Variants in SLC4A4 observed in about 807,000 individuals in gnomAD.
The protein encoded by SLC4A4 is electrogenic sodium bicarbonate cotransporter 1.
Under a neutral mutation model 111.5 loss-of-function variants are expected in SLC4A4, and 27 were observed. That is an observed-to-expected ratio of 0.24 (90% CI 0.18 to 0.33). The LOEUF (loss-of-function observed/expected upper bound fraction) is 0.33, where lower values mean the gene tolerates loss of function less well. SLC4A4 is among the 10% of genes least tolerant of loss of function. The pLI is 1.00. For synonymous variants in SLC4A4, 443 were observed against 463.4 expected, an observed-to-expected ratio of 0.96 and a Z score of 0.57; for missense variants, 909 against 1,315.5, an observed-to-expected ratio of 0.69 and a Z score of 4.78.
At chr4:71,343,585 T>C (rs570741912) in intron 4 of SLC4A4, among the ~76,000 whole-genome samples, 2 of 152,330 alleles carry the variant, frequency 1.3e-5, no homozygotes, top group South Asian at 4.1e-4. Flanking sequence ...TGTCTTTCTC[T>C]ACACCCAATA....
chr4:71,515,054 G>A (rs1392998090), intron 16 of SLC4A4, among the ~76,000 whole-genome samples: 1 of 151,540 alleles, frequency 6.6e-6, no homozygotes, highest in Non-Finnish European at 1.5e-5. Context: ...ATGGTTTTCT[G>A]TTTCCTTGAT....
intron 8 of SLC4A4, among the ~76,000 whole-genome samples, chr4:71,443,114 CTCTATATATATATATATA>C (rs1297471407): frequency 8.9e-5 from 8 of 90,282 alleles, no homozygotes; most frequent in Admixed American, 2.2e-4. Flanking sequence ...CTCTCTCTCT[CTCTATATATATATATATA>C]TATATATATA....
chr4:71,317,944 A>G (rs1169291483), intron 3 of SLC4A4, among the ~76,000 whole-genome samples: 1 of 152,104 alleles, frequency 6.6e-6, no homozygotes, highest in Non-Finnish European at 1.5e-5. Context: ...TTATTAATAG[A>G]TGTTCTTATT....
chr4:71,215,797 A>G (rs1271811583), intron 1 of SLC4A4, among the ~76,000 whole-genome samples: 1 of 152,170 alleles, frequency 6.6e-6, no homozygotes, highest in Non-Finnish European at 1.5e-5. Flanking sequence ...AACAAACGAT[A>G]CATATAATTA....
chr4:71,394,139 C>T (rs1719572030), intron 6 of SLC4A4, among the ~76,000 whole-genome samples: 1 of 152,112 alleles, frequency 6.6e-6, no homozygotes, highest in Non-Finnish European at 1.5e-5. Flanking sequence ...AAAGCAAATA[C>T]AATAGAAACA....
intron 1 of SLC4A4, among the ~76,000 whole-genome samples, chr4:71,062,934 G>A (rs1178036885): frequency 1.3e-5 from 2 of 152,158 alleles, no homozygotes; most frequent in Admixed American, 1.3e-4. Context: ...ATTGTTAAAA[G>A]AAATACTAAT....
At chr4:71,485,207 G>T (rs1294691501) in intron 14 of SLC4A4, among the ~76,000 whole-genome samples, 1 of 151,728 alleles carries the variant, frequency 6.6e-6, no homozygotes. Flanking sequence ...GGGCATCCTT[G>T]TCTTGCACAA....
Position 71,163,664 on chromosome 4 carries a change from T to C in SLC4A4, c.-2+70872T>C, listed in dbSNP as rs146482664. Among the ~76,000 whole-genome samples, 627 of 152,354 alleles carry C rather than the reference T, an allele frequency of 4.1e-3. 7 individuals carry two copies. Among genetic ancestry groups the C allele is most frequent in the African/African-American group, 0.014 (587 of 41,590 alleles). On this transcript the variant is annotated intron_variant, in intron 2 of 26. Transcript: ENST00000649996. Reference sequence around the variant, plus strand: ...CTGTTTCAATATATTTTTATTAATGTAGTCTGCCTTTAGTCTAAACCAGGG... The same window carrying C: ...CTGTTTCAATATATTTTTATTAATGCAGTCTGCCTTTAGTCTAAACCAGGG...
At chr4:71,184,241 A>G (rs933865297), upstream of SLC4A4, among the ~76,000 whole-genome samples, 1 of 152,214 alleles carries the variant, frequency 6.6e-6, no homozygotes, top group African/African-American at 2.4e-5. Context: ...GGGCCGATCA[A>G]TTGCATTATT....
chr4:71,313,441 A>G (rs1418389217), intron 3 of SLC4A4, among the ~76,000 whole-genome samples: 1 of 152,192 alleles, frequency 6.6e-6, no homozygotes, highest in Non-Finnish European at 1.5e-5. Flanking sequence ...TAAATTCCAT[A>G]TGGAACCAAA....
chr4:71,562,085 A>G (rs962926948), intron 23 of SLC4A4, among the ~76,000 whole-genome samples: 2 of 151,824 alleles, frequency 1.3e-5, no homozygotes, highest in Non-Finnish European at 2.9e-5. Flanking sequence ...ATTTCCAACA[A>G]ATCCTATTTC....
chr4:71,515,967 GTTA>G (rs1311608299), intron 16 of SLC4A4, among the ~76,000 whole-genome samples: 10 of 148,612 alleles, frequency 6.7e-5, no homozygotes, highest in Admixed American at 6.7e-4. Context: ...AATATTTAAA[GTTA>G]TTATTTATAT....
At chr4:71,168,177 C>CTTTTTT (rs777092928) in intron 2 of SLC4A4, among the ~76,000 whole-genome samples, 54 of 106,226 alleles carry the variant, frequency 5.1e-4, no homozygotes, top group African/African-American at 1.5e-3. Context: ...CAATTATACT[C>CTTTTTT]TTTTTTTTTT....
intron 2 of SLC4A4, among the ~76,000 whole-genome samples, chr4:71,151,087 T>G (rs554031333): frequency 6.6e-6 from 1 of 152,348 alleles, no homozygotes; most frequent in African/African-American, 2.4e-5. Context: ...AATTAAAATT[T>G]CAGTGCTTTG....
chr4:71,164,701 A>T (rs1031530544), intron 2 of SLC4A4, among the ~76,000 whole-genome samples: 1 of 152,178 alleles, frequency 6.6e-6, no homozygotes, highest in South Asian at 2.1e-4. Context: ...AAATTGACAA[A>T]TGGGATCTAA....
chr4:71,260,896 T>A (rs1375200253), intron 3 of SLC4A4, among the ~76,000 whole-genome samples: 5 of 152,222 alleles, frequency 3.3e-5, no homozygotes, highest in Non-Finnish European at 7.3e-5. Context: ...TTAGCAGTTA[T>A]TATTTTGAGT....
At chr4:71,487,861 C>A (rs926001377) in intron 15 of SLC4A4, among the ~76,000 whole-genome samples, 1 of 151,472 alleles carries the variant, frequency 6.6e-6, no homozygotes, top group Non-Finnish European at 1.5e-5. Flanking sequence ...TTTTTATATT[C>A]TGTGGCTCTC....
chr4:71,350,153 C>CT, intron 5 of SLC4A4, 81 bp downstream of exon 5: 1 of 1,344,670 alleles, frequency 7.4e-7, no homozygotes, highest in Non-Finnish European at 1.1e-6. Context: ...ATGACTAGTA[C>CT]TGTAAGCAGA....
intron 8 of SLC4A4, among the ~76,000 whole-genome samples, chr4:71,442,291 G>A (rs1168413726): frequency 1.3e-5 from 2 of 152,074 alleles, no homozygotes; most frequent in East Asian, 3.9e-4. Context: ...TATAATGGAT[G>A]GTAGGGCTAG....
Sources: allele counts gnomAD v4.1 joint callset (sites outside exome capture counted in the v4.1 genomes callset), GRCh38; gene constraint gnomAD v4.1.1; transcripts MANE v1.5; gene names NCBI Gene and HGNC (gene_info 2026-07-23, HGNC 2026-07-21).